Variants in USP4 observed in about 807,000 individuals in gnomAD.
USP4 encodes ubiquitin carboxyl-terminal hydrolase 4.
Under a neutral mutation model 118.2 loss-of-function variants are expected in USP4, and 72 were observed. The observed-to-expected ratio is 0.61, with a 90% CI of 0.50 to 0.74. The LOEUF is 0.74. Among genes scored for constraint, USP4 ranks in the 30% least tolerant of loss-of-function variants. USP4 has a pLI of 0.00. For synonymous variants in USP4, 415 were observed against 440.4 expected (o/e 0.94, Z 0.72); for missense variants, 1,037 against 1,185.7 (o/e 0.87, Z 1.84).
Position 49,294,559 on chromosome 3 carries a change from A to G in USP4, c.1731T>C (p.Cys577=). 1 of 1,614,180 alleles carries G rather than the reference A, an allele frequency of 6.2e-7. No individual in the cohort carries two copies. Among genetic ancestry groups the G allele is most frequent in the Non-Finnish European group, 8.5e-7 (1 of 1,180,022 alleles). ...VCSTSVDGSE[C]VTLPVYFRER... is the part of the protein sequence containing the mutation. ...CCCTGAAGTAGACTGGAAGCGTGACACATTCCGAGCCATCCACGGAAGTGC... is the reference window on the plus strand; with the variant it reads ...CCCTGAAGTAGACTGGAAGCGTGACGCATTCCGAGCCATCCACGGAAGTGC... The change falls in exon 14 of 22, where the codon TGT becomes TGC. Residue 577 remains cysteine, a synonymous_variant. Coordinates refer to ENST00000265560, the MANE Select transcript of USP4 (RefSeq NM_003363.4).
chr3:49,331,223 G>A (rs1221928679), intron 2 of USP4, among the ~76,000 whole-genome samples: 1 of 152,114 alleles, frequency 6.6e-6, no homozygotes, highest in Non-Finnish European at 1.5e-5. Context: ...AGGAGGCTGA[G>A]GCAGGAGAAT....
At chr3:49,297,997 A>C in intron 12 of USP4, 33 bp from the exon 13 acceptor site, 2 of 1,459,830 alleles carry the variant, frequency 1.4e-6, no homozygotes, top group Non-Finnish European at 1.9e-6. Flanking sequence ...AGACCACAGA[A>C]TGGCTAAGAG....
intron 2 of USP4, among the ~76,000 whole-genome samples, chr3:49,334,651 G>A (rs2047651275): frequency 6.6e-6 from 1 of 152,116 alleles, no homozygotes; most frequent in Non-Finnish European, 1.5e-5. Flanking sequence ...GGCTGAGGCA[G>A]GAAGATAGCT....
chr3:49,315,925 CA>C (rs1164523088), intron 6 of USP4, among the ~76,000 whole-genome samples: 2 of 152,106 alleles, frequency 1.3e-5, no homozygotes, highest in African/African-American at 2.4e-5. Context: ...AAGACTAGGC[CA>C]GGCGTGGTGG....
At chr3:49,317,005 G>T in intron 6 of USP4, 1 of 758,560 alleles carries the variant, frequency 1.3e-6, no homozygotes, top group Non-Finnish European at 2.2e-6. Context: ...CTGCTGCCAT[G>T]AAGAAGACGC....
Position 49,278,173 on chromosome 3 carries a change from AAAG to A in USP4, c.*117_*119del. 1 of 1,135,792 alleles carries A rather than the reference AAAG, an allele frequency of 8.8e-7. No homozygotes were observed. 70.4% of individuals were successfully genotyped at this position (1,135,792 alleles called of 1,614,324 possible). A position where few individuals can be genotyped will look rare whatever the true frequency, so the allele number is the denominator to read the frequency against. ...TTTTTTTTGTTTCCTTCTGCTCATA[AAAG>A]AAGGGTATTTCCTTGTCTGGTTTTT... On this transcript the variant is annotated 3_prime_UTR_variant, in exon 22 of 22. Transcript: ENST00000265560.
intron 10 of USP4, among the ~76,000 whole-genome samples, chr3:49,301,345 G>A (rs981012170): frequency 8.5e-5 from 13 of 152,254 alleles, no homozygotes; most frequent in Middle Eastern, 3.4e-3. Flanking sequence ...TCGGTACAGA[G>A]ACATGGCCAG....
intron 10 of USP4, 130 bp downstream of exon 10, chr3:49,302,254 A>AT: frequency 2.0e-6 from 2 of 1,005,152 alleles, no homozygotes; most frequent in Non-Finnish European, 2.9e-6. Flanking sequence ...CCATATCCCT[A>AT]TAACTAGCTA....
At chr3:49,281,431 G>A (rs1393633918) in intron 19 of USP4, among the ~76,000 whole-genome samples, 1 of 151,114 alleles carries the variant, frequency 6.6e-6, no homozygotes, top group South Asian at 2.1e-4. Context: ...AGTCCAGCCT[G>A]GGCAACAGAG....
intron 6 of USP4, chr3:49,317,481 ATT>A (rs745708443): frequency 4.6e-5 from 21 of 456,842 alleles, no homozygotes; most frequent in South Asian, 6.8e-5. Context: ...GGGGCCCCCT[ATT>A]TTTTTTTTTG....
At chr3:49,302,259 T>C (rs2047269377) in intron 10 of USP4, 125 bp downstream of exon 10, 6 of 944,912 alleles carry the variant, frequency 6.3e-6, no homozygotes, top group Non-Finnish European at 7.6e-6. Context: ...TCCCTATAAC[T>C]AGCTACAGTG....
intron 6 of USP4, among the ~76,000 whole-genome samples, chr3:49,313,474 G>A (rs2047406987): frequency 6.6e-6 from 1 of 151,946 alleles, no homozygotes; most frequent in Non-Finnish European, 1.5e-5. Flanking sequence ...GTTGTAGTGG[G>A]CCGAGATCGT....
chr3:49,327,423 C>A (rs890055951), intron 3 of USP4, among the ~76,000 whole-genome samples: 1 of 152,138 alleles, frequency 6.6e-6, no homozygotes, highest in Non-Finnish European at 1.5e-5. Flanking sequence ...GTAATCCCAG[C>A]TACTCAGGAG....
At chr3:49,312,413 C>T (rs1478242392) in intron 6 of USP4, 7 of 445,136 alleles carry the variant, frequency 1.6e-5, no homozygotes, top group Non-Finnish European at 2.7e-5. Flanking sequence ...CACTTGAACC[C>T]GGGAGTAAGC....
intron 2 of USP4, among the ~76,000 whole-genome samples, chr3:49,329,960 T>A (rs1188612212): frequency 2.0e-5 from 3 of 151,946 alleles, no homozygotes; most frequent in Non-Finnish European, 4.4e-5. Flanking sequence ...GCCAACATGG[T>A]GAAACCTGGT....
chr3:49,335,189 A>G (rs1048646395), intron 2 of USP4, among the ~76,000 whole-genome samples: 10 of 152,226 alleles, frequency 6.6e-5, no homozygotes, highest in Admixed American at 3.3e-4. Flanking sequence ...CATTCCATAT[A>G]CTAACTTAAA....
chr3:49,287,965 TGGGGACC>T (rs1425566053), intron 15 of USP4, among the ~76,000 whole-genome samples: 1 of 152,114 alleles, frequency 6.6e-6, no homozygotes, highest in Non-Finnish European at 1.5e-5. Flanking sequence ...TTAGCAAAGA[TGGGGACC>T]ACTCCAAAAG....
At chr3:49,306,205 T>C (rs2047315217) in intron 8 of USP4, among the ~76,000 whole-genome samples, 1 of 149,474 alleles carries the variant, frequency 6.7e-6, no homozygotes, top group Non-Finnish European at 1.5e-5. Flanking sequence ...AAAGTGTTTT[T>C]TTTTGTTTTT....
At chr3:49,330,106 G>C (rs2047598618) in intron 2 of USP4, among the ~76,000 whole-genome samples, 1 of 152,012 alleles carries the variant, frequency 6.6e-6, no homozygotes, top group Non-Finnish European at 1.5e-5. Context: ...GGGAGGGAGA[G>C]GTTGCAGGGA....
Sources: allele counts gnomAD v4.1 joint callset (sites outside exome capture counted in the v4.1 genomes callset), GRCh38; gene constraint gnomAD v4.1.1; transcripts MANE v1.5; gene names NCBI Gene and HGNC (gene_info 2026-07-23, HGNC 2026-07-21).